The following PXMP2 variants were observed in gnomAD, a reference collection of about 807,000 sequenced individuals.
PXMP2 encodes peroxisomal membrane protein 2.
PXMP2 carries 13 observed loss-of-function variants against 20.2 expected under a neutral mutation model. The ratio of observed to expected loss-of-function variants is 0.64; its 90% CI spans 0.42 to 1.02. The LOEUF is 1.02. PXMP2 is among the 50% of genes least tolerant of loss of function. The probability of loss-of-function intolerance (pLI) is 0.00; values close to 1 mark genes in which losing one functional copy is unlikely to be tolerated. For synonymous variants in PXMP2, 113 were observed against 111.2 expected, an observed-to-expected ratio of 1.02 and a Z score of -0.10; for missense variants, 284 against 251.8, an observed-to-expected ratio of 1.13 and a Z score of -0.87.
intron 4 of PXMP2, 137 bp from the exon 5 acceptor site, chr12:132,704,482 C>T (rs566302801): frequency 1.8e-6 from 1 of 566,350 alleles, no homozygotes; most frequent in East Asian, 3.2e-5. Flanking sequence ...AACAAAGGCT[C>T]AGTAAATGCA....
rs2043312891 is a variant in PXMP2, at chr12:132,687,692, C to G, written c.22C>G (p.Leu8Val). Reference protein sequence around the residue: MAPAASRLRAEAGLGALP... With the variant: MAPAASRVRAEAGLGALP... ...GGCGATGGCGCCGGCCGCGTCCAGG[C>G]TGCGGGCCGAAGCCGGGCTCGGGGC... Residue 8 changes from leucine to valine, a missense_variant, in exon 1 of 5, where the codon CTG (leucine) becomes GTG (valine). Transcript: ENST00000317479. 1 of 1,186,890 alleles carries G rather than the reference C, an allele frequency of 8.4e-7. No homozygotes were observed. The highest frequency in any genetic ancestry group is 4.7e-5 in the Admixed American group (1 of 21,480). The allele number at this position is 1,186,890 out of a possible 1,614,324, so 73.5% of individuals were successfully genotyped here.
intron 3 of PXMP2, among the ~76,000 whole-genome samples, chr12:132,697,746 G>A (rs1251867036): frequency 1.3e-5 from 2 of 152,012 alleles, no homozygotes; most frequent in Non-Finnish European, 2.9e-5. Context: ...TGAGAAGGGG[G>A]TCCACAGGCT....
intron 2 of PXMP2, among the ~76,000 whole-genome samples, chr12:132,694,115 CAGTTAGTTAGTGAGCGCCCTTGCCAGTT>C (rs2043392331): frequency 8.2e-6 from 1 of 122,616 alleles, no homozygotes; most frequent in African/African-American, 3.5e-5. Flanking sequence ...GCGCCCTTGC[CAGTTAGTTAGTGAGCGCCCTTGCCAGTT>C]AGTTAGTGAG....
chr12:132,702,178 C>T (rs1017460366), intron 4 of PXMP2, among the ~76,000 whole-genome samples: 2 of 152,256 alleles, frequency 1.3e-5, no homozygotes, highest in South Asian at 2.1e-4. Flanking sequence ...AGGCACTGTG[C>T]GGCCATGGGT....
chr12:132,687,645 C>A lies in PXMP2; in HGVS notation c.-26C>A. 1 of 1,154,722 alleles carries A rather than the reference C, an allele frequency of 8.7e-7. No individual in the cohort carries two copies. Among genetic ancestry groups the A allele is most frequent in the Non-Finnish European group, 1.1e-6 (1 of 939,952 alleles). 71.5% of individuals were successfully genotyped at this position (1,154,722 alleles called of 1,614,324 possible). A position where few individuals can be genotyped will look rare whatever the true frequency, so the allele number is the denominator to read the frequency against. On this transcript the variant is annotated 5_prime_UTR_variant, in exon 1 of 5. Transcript: ENST00000317479. The stretch of plus-strand genomic sequence containing the variant: ...GCCAGCCTGAGGTGGGGTCGGTGCC[C>A]CCGGCGGCACGGCGCTGGGGAGGCG...
Position 132,687,678 on chromosome 12 carries a change from C to T in PXMP2, c.8C>T (p.Pro3Leu), listed in dbSNP as rs571047443. 4.6e-3 allele frequency: 5,366 copies of T among 1,174,436 alleles called. 25 individuals are homozygous for T. Among genetic ancestry groups the T allele is most frequent in the Non-Finnish European group, 4.6e-3 (4,357 of 956,054 alleles). The allele number at this position is 1,174,436 out of a possible 1,614,324, so 72.8% of individuals were successfully genotyped here. A position where few individuals can be genotyped will look rare whatever the true frequency, so the allele number is the denominator to read the frequency against. The change falls in exon 1 of 5, where the codon CCG (proline) becomes CTG (leucine). Residue 3 changes from proline (P) to leucine (L), a missense_variant. Pro to Leu is a moderately conservative substitution (Grantham distance 98). Coordinates refer to ENST00000317479, the MANE Select transcript of PXMP2 (RefSeq NM_018663.3). MA[P>L]AASRLRAEAG... is the part of the protein sequence containing the mutation. ...CACGGCGCTGGGGAGGCGATGGCGCCGGCCGCGTCCAGGCTGCGGGCCGAA... is the reference window on the plus strand; with the variant it reads ...CACGGCGCTGGGGAGGCGATGGCGCTGGCCGCGTCCAGGCTGCGGGCCGAA...
Position 132,690,115 on chromosome 12 carries a change from G to C in PXMP2, c.123-148G>C. The C allele has an allele frequency of 6.3e-6, 4 of 632,646 alleles. No homozygotes were observed. The South Asian group carries it at 7.7e-5, about 12-fold the overall frequency. 39.2% of individuals were successfully genotyped at this position (632,646 alleles called of 1,614,324 possible). A position where few individuals can be genotyped will look rare whatever the true frequency, so the allele number is the denominator to read the frequency against. The stretch of plus-strand genomic sequence containing the variant: ...CCACCGTCTCCACCTTTTGATACAA[G>C]AACTATACATTGCAGCCGCTTTAAC... On this transcript the variant is annotated intron_variant, in intron 1 of 4. Coordinates refer to ENST00000317479, the MANE Select transcript of PXMP2 (RefSeq NM_018663.3).
intron 2 of PXMP2, among the ~76,000 whole-genome samples, chr12:132,694,737 T>C (rs2043399644): frequency 2.7e-5 from 3 of 110,570 alleles, no homozygotes; most frequent in African/African-American, 6.2e-5. Flanking sequence ...CCTTGCCAGT[T>C]AGTTAGTGAG....
At chr12:132,700,904 T>G (rs2043435862) in intron 3 of PXMP2, among the ~76,000 whole-genome samples, 2 of 151,966 alleles carry the variant, frequency 1.3e-5, no homozygotes, top group Non-Finnish European at 2.9e-5. Context: ...ACATCGACTT[T>G]GGAGGTTATT....
rs547121529 is a variant in PXMP2, at chr12:132,690,094, C to T, written c.123-169C>T. 1.2e-4 allele frequency among the ~76,000 whole-genome samples: 18 copies of T among 152,294 alleles called. No individual in the cohort carries two copies. In the South Asian group the frequency reaches 3.1e-3, roughly 26 times the overall value. Reference sequence around the variant, plus strand: ...TCCTTACCTGTGTGTTTAAGTCCACCGTCTCCACCTTTTGATACAAGAACT... The same window carrying T: ...TCCTTACCTGTGTGTTTAAGTCCACTGTCTCCACCTTTTGATACAAGAACT... On this transcript the variant is annotated intron_variant, in intron 1 of 4. Coordinates refer to ENST00000317479, the MANE Select transcript of PXMP2 (RefSeq NM_018663.3).
At chr12:132,693,074 A>G (rs2043381862) in intron 2 of PXMP2, among the ~76,000 whole-genome samples, 1 of 27,640 alleles carries the variant, frequency 3.6e-5, no homozygotes, top group African/African-American at 1.3e-4. Context: ...CCAGTTAGTT[A>G]GTGAGCGCCC....
chr12:132,701,487 T>A, intron 4 of PXMP2, 118 bp downstream of exon 4: 1 of 1,378,594 alleles, frequency 7.3e-7, no homozygotes, highest in Non-Finnish European at 9.7e-7. Flanking sequence ...TCTTCTTTCT[T>A]TGGTAGTTTT....
In PXMP2 at chr12:132,696,055, C is replaced by T; in HGVS notation, c.399+9C>T. ...TCATGAACTTTCTGGAGGTGGGTGT[C>T]TGCCACAGCACTTACTGCAGCTCTT... On this transcript the variant is annotated intron_variant, in intron 3 of 4. Coordinates refer to ENST00000317479, the MANE Select transcript of PXMP2 (RefSeq NM_018663.3). This position sits in a 1 kb window ranked among gnomAD's most constrained non-coding sequence, Gnocchi z 4.4. 1 of 1,599,606 alleles carries T rather than the reference C, an allele frequency of 6.3e-7. No individual in the cohort carries two copies. The highest frequency in any genetic ancestry group is 1.7e-4 in the Middle Eastern group (1 of 6,034).
At chr12:132,694,107 G>T (rs1326903642) in intron 2 of PXMP2, among the ~76,000 whole-genome samples, 335 of 114,224 alleles carry the variant, frequency 2.9e-3, no homozygotes, top group African/African-American at 0.012. Flanking sequence ...GTTAGTGAGC[G>T]CCCTTGCCAG....
chr12:132,692,892 G>C (rs1476313093), intron 2 of PXMP2, among the ~76,000 whole-genome samples: 4 of 95,622 alleles, frequency 4.2e-5, no homozygotes, highest in African/African-American at 1.5e-4. Context: ...GTTAGTTAGT[G>C]AGCTCCCTTA....
At chr12:132,695,155 G>A (rs35307355) in intron 2 of PXMP2, among the ~76,000 whole-genome samples, 3 of 148,592 alleles carry the variant, frequency 2.0e-5, no homozygotes, top group East Asian at 2.0e-4. Context: ...GTTAGTGAGC[G>A]CCCTTGACAG....
rs562316969 is a variant in PXMP2 at position 132,694,877 on chromosome 12, TAGTG to T, written c.237-1004_237-1001del. Among the ~76,000 whole-genome samples, 302 of 144,336 alleles carry T rather than the reference TAGTG, an allele frequency of 2.1e-3. 3 individuals carry two copies. Among genetic ancestry groups the T allele is most frequent in the African/African-American group, 7.3e-3 (278 of 38,254 alleles). 94.7% of individuals were successfully genotyped at this position (144,336 alleles called of 152,430 possible). On this transcript the variant is annotated intron_variant, in intron 2 of 4. Transcript: ENST00000317479. ...TAGTGAGCTCCCTTAGCCAGTTAGT[TAGTG>T]AGCGCCCTTGCCAGTCAGTTAGTGA...
At chr12:132,700,848 C>CT (rs544795992) in intron 3 of PXMP2, among the ~76,000 whole-genome samples, 66,052 of 139,904 alleles carry the variant, frequency 0.47, 16,511 homozygotes, top group Non-Finnish European at 0.58. Context: ...TACTGGAGTC[C>CT]TTTTTTTTTT....
intron 4 of PXMP2, chr12:132,702,430 C>T: frequency 2.9e-6 from 1 of 346,346 alleles, no homozygotes. Context: ...TATGCACAGC[C>T]AGGGTCCCCA....
Sources: allele counts gnomAD v4.1 joint callset (sites outside exome capture counted in the v4.1 genomes callset), GRCh38; gene constraint gnomAD v4.1.1; non-coding constraint Gnocchi (gnomAD v3.1); transcripts MANE v1.5; gene names NCBI Gene and HGNC (gene_info 2026-07-23, HGNC 2026-07-21).